ADIPOQ: variants seen among roughly 807,000 people sequenced by gnomAD.
ADIPOQ encodes adiponectin, C1Q and collagen domain containing.
Under a neutral mutation model 16.1 loss-of-function variants are expected in ADIPOQ, and 19 were observed. That is an observed-to-expected ratio of 1.18 (90% CI 0.82 to 1.73). The LOEUF (loss-of-function observed/expected upper bound fraction) is 1.73, where lower values mean the gene tolerates loss of function less well. ADIPOQ is among the 40% of genes most tolerant of loss of function. ADIPOQ has a pLI of 0.00. For missense variants in ADIPOQ, 323 were observed against 308.3 expected (o/e 1.05, Z -0.36); for synonymous variants, 124 against 125.5 (o/e 0.99, Z 0.08).
rs202200116 is a variant in ADIPOQ at position 186,854,360 on chromosome 3, C to T, written c.391C>T (p.Arg131Cys). The T allele has an allele frequency of 6.9e-5, 111 of 1,614,062 alleles. No homozygotes were observed. The highest frequency in any genetic ancestry group is 2.4e-4 in the South Asian group (22 of 91,086). The change falls in exon 3 of 3, where the codon CGC becomes TGC. Residue 131 changes from arginine to cysteine, a missense_variant. By Grantham distance (180) the Arg-to-Cys change is radical (BLOSUM62 -3). Transcript: ENST00000320741. ...TYVTIPNMPI[R>C]FTKIFYNQQN... The stretch of plus-strand genomic sequence containing the variant: ...CGTTACTATCCCCAACATGCCCATT[C>T]GCTTTACCAAGATCTTCTACAATCA...
chr3:186,845,866 G>A lies in ADIPOQ; in HGVS notation c.-9+3117G>A, dbSNP rs372504662. Among the ~76,000 whole-genome samples the A allele has an allele frequency of 5.9e-5, 9 of 152,170 alleles. 2 individuals carry two copies. The highest frequency in any genetic ancestry group is 5.8e-4 in the East Asian group (3 of 5,200). ...CCAAAGAACTCGCGCCAGTGTCAGT[G>A]TTCTCATGTTCCTCATCTCACATGA... On this transcript the variant is annotated intron_variant, in intron 1 of 2. Coordinates refer to ENST00000320741, the MANE Select transcript of ADIPOQ (RefSeq NM_004797.4).
chr3:186,844,415 T>C (rs1256471827), intron 1 of ADIPOQ, among the ~76,000 whole-genome samples: 1 of 150,008 alleles, frequency 6.7e-6, no homozygotes, highest in Non-Finnish European at 1.5e-5. Flanking sequence ...AAAGTGCTGG[T>C]ATTACAGGTG....
At chr3:186,844,888 G>A (rs891310152) in intron 1 of ADIPOQ, among the ~76,000 whole-genome samples, 3 of 152,116 alleles carry the variant, frequency 2.0e-5, no homozygotes, top group African/African-American at 4.8e-5. Flanking sequence ...CCAGTGGACC[G>A]GTGGTCCCAG....
chr3:186,847,407 G>A (rs1711606337), intron 1 of ADIPOQ, among the ~76,000 whole-genome samples: 1 of 152,134 alleles, frequency 6.6e-6, no homozygotes, highest in Non-Finnish European at 1.5e-5. Flanking sequence ...TTTATAAAAA[G>A]TAACAAAATT....
chr3:186,854,091 T>C, intron 2 of ADIPOQ, 93 bp from the exon 3 acceptor site: 1 of 1,378,712 alleles, frequency 7.3e-7, no homozygotes, highest in Non-Finnish European at 9.9e-7. Context: ...AAGAAGGTTG[T>C]GAGTGGGAGC....
At chr3:186,845,768 G>A (rs1397343083) in intron 1 of ADIPOQ, among the ~76,000 whole-genome samples, 1 of 152,144 alleles carries the variant, frequency 6.6e-6, no homozygotes, top group African/African-American at 2.4e-5. Context: ...TCTCCTACAC[G>A]TTAGAGTCAA....
At chr3:186,846,149 A>G (rs1210786244) in intron 1 of ADIPOQ, among the ~76,000 whole-genome samples, 1 of 152,118 alleles carries the variant, frequency 6.6e-6, no homozygotes, top group East Asian at 1.9e-4. Context: ...TAATAAGTGC[A>G]TTCCTACTCC....
rs1305422426 is a variant in ADIPOQ at position 186,852,915 on chromosome 3, T to A, written c.-8-136T>A. The A allele has an allele frequency of 3.5e-6, 3 of 859,410 alleles. No individual in the cohort carries two copies. In the East Asian group the frequency reaches 7.9e-5, roughly 23 times the overall value. The allele number at this position is 859,410 out of a possible 1,614,324, so 53.2% of individuals were successfully genotyped here. A position where few individuals can be genotyped will look rare whatever the true frequency, so the allele number is the denominator to read the frequency against. On this transcript the variant is annotated intron_variant, in intron 1 of 2. Coordinates refer to ENST00000320741, the MANE Select transcript of ADIPOQ (RefSeq NM_004797.4). Reference sequence around the variant, plus strand: ...GCTGCAATATTCAGAAAAGTCTTCCTGGAAAAGTTGAATACTTAGAAAGCA... The same window carrying A: ...GCTGCAATATTCAGAAAAGTCTTCCAGGAAAAGTTGAATACTTAGAAAGCA...
chr3:186,846,134 G>C (rs1447354565), intron 1 of ADIPOQ, among the ~76,000 whole-genome samples: 1 of 152,116 alleles, frequency 6.6e-6, no homozygotes, highest in African/African-American at 2.4e-5. Context: ...GCTTCTATAA[G>C]GTTCTAATAA....
At chr3:186,851,531 G>C (rs1290924320) in intron 1 of ADIPOQ, among the ~76,000 whole-genome samples, 1 of 152,016 alleles carries the variant, frequency 6.6e-6, no homozygotes, top group African/African-American at 2.4e-5. Context: ...GGAGGCTTTT[G>C]ACTACCTGTG....
rs200456618 is a variant in ADIPOQ at position 186,854,410 on chromosome 3, T to C, written c.441T>C (p.Thr147=). ...AGCAAAACCACTATGATGGCTCCAC[T>C]GGTAAATTCCACTGCAACATTCCTG... ...YNQQNHYDGS[T]GKFHCNIPGL... Residue 147 remains threonine, a synonymous_variant, in exon 3 of 3, where the codon ACT becomes ACC. Transcript: ENST00000320741. 2 of 1,614,190 alleles carry C rather than the reference T, an allele frequency of 1.2e-6. No homozygotes were observed. The highest frequency in any genetic ancestry group is 1.7e-6 in the Non-Finnish European group (2 of 1,180,038).
Position 186,854,580 on chromosome 3 carries a change from A to T in ADIPOQ, c.611A>T (p.His204Leu). 6.2e-7 allele frequency: 1 copy of T among 1,614,080 alleles called. No individual in the cohort carries two copies. Among genetic ancestry groups the T allele is most frequent in the Non-Finnish European group, 8.5e-7 (1 of 1,179,900 alleles). ...CAGGCCTCCGGCTCTGTGCTCCTGC[A>T]TCTGGAGGTGGGCGACCAAGTCTGG... ...VDQASGSVLL[H>L]LEVGDQVWLQ... The change falls in exon 3 of 3, where the codon CAT becomes CTT. Residue 204 changes from histidine to leucine, a missense_variant. His to Leu is a moderately conservative substitution (Grantham distance 99). Coordinates refer to ENST00000320741, the MANE Select transcript of ADIPOQ (RefSeq NM_004797.4).
At chr3:186,849,436 C>A (rs936635805) in intron 1 of ADIPOQ, among the ~76,000 whole-genome samples, 1 of 152,184 alleles carries the variant, frequency 6.6e-6, no homozygotes, top group East Asian at 1.9e-4. Context: ...CTCCCCTTGG[C>A]TTCTCATGTA....
At chr3:186,845,265 G>A (rs1355764828) in intron 1 of ADIPOQ, among the ~76,000 whole-genome samples, 1 of 152,132 alleles carries the variant, frequency 6.6e-6, no homozygotes, top group Non-Finnish European at 1.5e-5. Flanking sequence ...TTCGGGCAAA[G>A]CTCCTGGGAG....
At chr3:186,849,567 A>G (rs1300907002) in intron 1 of ADIPOQ, among the ~76,000 whole-genome samples, 3 of 152,312 alleles carry the variant, frequency 2.0e-5, no homozygotes, top group Middle Eastern at 3.4e-3. Context: ...CGACAAATGT[A>G]CATATAAATG....
rs765473337 is a variant in ADIPOQ at position 186,853,051 on chromosome 3, G to A, written c.-8G>A. On this transcript the variant is annotated splice_region_variant and 5_prime_UTR_variant, in exon 2 of 3. Coordinates refer to ENST00000320741, the MANE Select transcript of ADIPOQ (RefSeq NM_004797.4). ...CTGACAGTGCACATGTGGATTCCAG[G>A]GCTCAGGATGCTGTTGCTGGGAGCT... is the stretch of plus-strand genomic sequence containing the variant. 21 of 1,614,164 alleles carry A rather than the reference G, an allele frequency of 1.3e-5. No homozygotes were observed. The highest frequency in any genetic ancestry group is 6.6e-5 in the South Asian group (6 of 91,074).
chr3:186,844,724 T>C (rs1190833986), intron 1 of ADIPOQ, among the ~76,000 whole-genome samples: 1 of 151,974 alleles, frequency 6.6e-6, no homozygotes, highest in East Asian at 1.9e-4. Context: ...TTAAAAATTT[T>C]TTGTAGAGAT....
At chr3:186,846,093 AAAT>A (rs141838749) in intron 1 of ADIPOQ, among the ~76,000 whole-genome samples, 6,374 of 152,160 alleles carry the variant, frequency 0.042, 456 homozygotes, top group African/African-American at 0.14. Context: ...AGATGAAGAT[AAAT>A]AACGTGTAAA....
intron 1 of ADIPOQ, among the ~76,000 whole-genome samples, chr3:186,849,987 G>T (rs553451543): frequency 6.6e-6 from 1 of 152,174 alleles, no homozygotes; most frequent in Non-Finnish European, 1.5e-5. Flanking sequence ...TAGAGGCAAG[G>T]ACTGGGCGTG....
Sources: allele counts gnomAD v4.1 joint callset (sites outside exome capture counted in the v4.1 genomes callset), GRCh38; gene constraint gnomAD v4.1.1; transcripts MANE v1.5; gene names NCBI Gene and HGNC (gene_info 2026-07-23, HGNC 2026-07-21).